Variants in PIK3CB observed in about 807,000 individuals in gnomAD.
The protein encoded by PIK3CB is phosphatidylinositol-4,5-bisphosphate 3-kinase catalytic subunit beta.
Under a neutral mutation model 136.8 loss-of-function variants are expected in PIK3CB, and 39 were observed. That is an observed-to-expected ratio of 0.29 (90% CI 0.22 to 0.37). PIK3CB has a LOEUF of 0.37. Among genes scored for constraint, PIK3CB ranks in the 10% least tolerant of loss-of-function variants. PIK3CB has a pLI of 1.00. For synonymous variants in PIK3CB, 428 were observed against 436.6 expected (o/e 0.98, Z 0.25); for missense variants, 868 against 1,275.4 (o/e 0.68, Z 4.87).
chr3:138,723,091 G>A (rs1002749651), intron 8 of PIK3CB, among the ~76,000 whole-genome samples: 1 of 147,260 alleles, frequency 6.8e-6, no homozygotes. Context: ...AAAAAGAAAA[G>A]AAGCATAAAA....
chr3:138,736,867 A>T (rs576654050), intron 6 of PIK3CB, among the ~76,000 whole-genome samples: 48 of 152,334 alleles, frequency 3.2e-4, no homozygotes, highest in African/African-American at 9.4e-4. Flanking sequence ...TCCACGCATA[A>T]ATATTTCAGA....
chr3:138,782,457 C>T (rs1187649903), intron 2 of PIK3CB, among the ~76,000 whole-genome samples: 1 of 152,168 alleles, frequency 6.6e-6, no homozygotes, highest in African/African-American at 2.4e-5. Context: ...GTATAGATCC[C>T]TTTTCTTATA....
chr3:138,697,390 C>T (rs531730482), intron 13 of PIK3CB, among the ~76,000 whole-genome samples: 1 of 152,132 alleles, frequency 6.6e-6, no homozygotes, highest in African/African-American at 2.4e-5. Flanking sequence ...GAGGTACACA[C>T]AATAATATAA....
intron 1 of PIK3CB, among the ~76,000 whole-genome samples, chr3:138,809,576 A>G (rs1210740365): frequency 6.9e-6 from 1 of 144,160 alleles, no homozygotes; most frequent in African/African-American, 2.6e-5. Context: ...ATTGCACTCC[A>G]GCCTGGGGGA....
intron 13 of PIK3CB, among the ~76,000 whole-genome samples, chr3:138,695,384 T>C (rs778672718): frequency 4.3e-4 from 65 of 152,234 alleles, no homozygotes; most frequent in Admixed American, 6.5e-4. Flanking sequence ...AAAGTCATAC[T>C]GGGAGAGGTG....
intron 2 of PIK3CB, among the ~76,000 whole-genome samples, chr3:138,786,929 T>C (rs2045987279): frequency 1.3e-5 from 2 of 152,232 alleles, no homozygotes; most frequent in South Asian, 4.1e-4. Flanking sequence ...TCTTTCACAA[T>C]ATCCTTACTG....
At position 138,812,050 on chromosome 3, in the gene PIK3CB, C is replaced by G. The variant is rs897302650; in HGVS notation, c.-121-15483G>C. Among the ~76,000 whole-genome samples, 23 of 151,936 alleles carry G rather than the reference C, an allele frequency of 1.5e-4. 1 individual carries two copies. The highest frequency in any genetic ancestry group is 5.6e-4 in the African/African-American group (23 of 41,340). On this transcript the variant is annotated intron_variant, in intron 1 of 23. Transcript: ENST00000674063. ...AGGCTGCAGTGAGTTATGATCGTAC[C>G]ACTATGCTAAAGCCTGGGCAACAGG...
intron 8 of PIK3CB, among the ~76,000 whole-genome samples, chr3:138,720,472 C>T (rs1417714565): frequency 6.6e-6 from 1 of 152,218 alleles, no homozygotes; most frequent in Non-Finnish European, 1.5e-5. Flanking sequence ...TCACACTCGT[C>T]TGGAAGTCTG....
chr3:138,805,040 A>G (rs994631300), intron 1 of PIK3CB, among the ~76,000 whole-genome samples: 9 of 135,652 alleles, frequency 6.6e-5, no homozygotes, highest in African/African-American at 2.5e-4. Flanking sequence ...AAGAAAAAAA[A>G]CCCTCAGTAT....
At chr3:138,813,263 T>C (rs1288526512) in intron 1 of PIK3CB, among the ~76,000 whole-genome samples, 1 of 152,092 alleles carries the variant, frequency 6.6e-6, no homozygotes, top group African/African-American at 2.4e-5. Flanking sequence ...TTCGTACTCA[T>C]AGACTATGGT....
At position 138,698,934 on chromosome 3, in the gene PIK3CB, CTTGA is replaced by C. The variant is rs2044191754; in HGVS notation, c.1739_1742del (p.Ile580SerfsTer27). On this transcript the variant is annotated frameshift_variant, in exon 13 of 24. Transcript: ENST00000674063. LOFTEE classifies it high-confidence loss of function. The stretch of plus-strand genomic sequence containing the variant: ...GAGCAACATCCTCAAGTTTATTCCA[CTTGA>C]TTGACAGCAGTAATTTTGGCAGTGA... 6.3e-7 allele frequency: 1 copy of C among 1,599,384 alleles called. No homozygotes were observed. The highest frequency in any genetic ancestry group is 1.3e-5 in the African/African-American group (1 of 74,682).
rs571668998 is a variant in PIK3CB at position 138,779,186 on chromosome 3, C to T, written c.-17+17277G>A. ...CTGCAAGCTCTGCCTCCTGGGTGCA[C>T]GCCATTCTCCTGCCTCAGCTTCCCG... is the stretch of plus-strand genomic sequence containing the variant. On this transcript the variant is annotated intron_variant, in intron 2 of 23. Coordinates refer to ENST00000674063, the MANE Select transcript of PIK3CB (RefSeq NM_006219.3). Among the ~76,000 whole-genome samples, 571 of 151,282 alleles carry T rather than the reference C, an allele frequency of 3.8e-3. 4 individuals carry two copies. The highest frequency in any genetic ancestry group is 0.013 in the African/African-American group (535 of 41,226).
At chr3:138,785,810 T>C (rs983923484) in intron 2 of PIK3CB, among the ~76,000 whole-genome samples, 22 of 141,042 alleles carry the variant, frequency 1.6e-4, no homozygotes, top group Non-Finnish European at 3.4e-4. Context: ...CACCCAAGAA[T>C]GATCAATAAA....
intron 1 of PIK3CB, among the ~76,000 whole-genome samples, chr3:138,813,129 A>T (rs1029312488): frequency 1.3e-5 from 2 of 151,684 alleles, no homozygotes; most frequent in African/African-American, 4.8e-5. Flanking sequence ...AGAAAAAAAA[A>T]TTTTTTTAAT....
intron 2 of PIK3CB, among the ~76,000 whole-genome samples, chr3:138,792,790 T>C (rs1292372263): frequency 6.6e-6 from 1 of 151,958 alleles, no homozygotes; most frequent in African/African-American, 2.4e-5. Context: ...TCTCTCCCCC[T>C]CCCCTCCAAC....
chr3:138,747,386 A>G lies in PIK3CB; in HGVS notation c.398-4605T>C, dbSNP rs555400506. Among the ~76,000 whole-genome samples, 4 of 152,164 alleles carry G rather than the reference A, an allele frequency of 2.6e-5. No individual in the cohort carries two copies. The South Asian group carries it at 8.3e-4, about 32-fold the overall frequency. Reference sequence around the variant, plus strand: ...TTTTTACTGCAATATGCAATTTACTAGACAGAGAAACTGCTCAAGTGGAGA... The same window carrying G: ...TTTTTACTGCAATATGCAATTTACTGGACAGAGAAACTGCTCAAGTGGAGA... On this transcript the variant is annotated intron_variant, in intron 4 of 23. Transcript: ENST00000674063.
At position 138,773,007 on chromosome 3, in the gene PIK3CB, C is replaced by T. The variant is rs550864218; in HGVS notation, c.-16-13648G>A. 3.5e-4 allele frequency among the ~76,000 whole-genome samples: 53 copies of T among 151,818 alleles called. No individual in the cohort carries two copies. In the South Asian group the frequency reaches 9.6e-3, roughly 27 times the overall value. ...TTTGCCATGTTGGTAAGGCTGGTCT[C>T]GAACTCCTAACGTCAAGAGATCCAC... On this transcript the variant is annotated intron_variant, in intron 2 of 23. Transcript: ENST00000674063.
chr3:138,791,909 A>G (rs533658081), intron 2 of PIK3CB, among the ~76,000 whole-genome samples: 90 of 152,294 alleles, frequency 5.9e-4, no homozygotes, highest in Middle Eastern at 6.8e-3. Context: ...ACAATGGCAA[A>G]CAAGGTATAA....
At chr3:138,667,087 T>A (rs749943115) in intron 19 of PIK3CB, among the ~76,000 whole-genome samples, 2 of 151,494 alleles carry the variant, frequency 1.3e-5, no homozygotes, top group African/African-American at 2.4e-5. Flanking sequence ...TGTGCTCCTA[T>A]AGTCCCAGCT....
Sources: gnomAD v4.1 joint callset for allele counts (sites outside exome capture counted in the v4.1 genomes callset) on GRCh38, gnomAD v4.1.1 for gene constraint, MANE v1.5 for transcripts, NCBI Gene and HGNC (gene_info 2026-07-23, HGNC 2026-07-21) for gene names.